Variants in GORASP2 observed in about 807,000 individuals in gnomAD.
The protein encoded by GORASP2 is golgi reassembly stacking protein 2.
In GORASP2, 22 loss-of-function variants were observed where a neutral mutation model predicts 45.7. That is an observed-to-expected ratio of 0.48 (90% confidence interval 0.34 to 0.69). The LOEUF is 0.69. Among genes scored for constraint, GORASP2 ranks in the 30% least tolerant of loss-of-function variants. The probability of loss-of-function intolerance (pLI) is 0.01; values close to 1 mark genes in which losing one functional copy is unlikely to be tolerated. For synonymous variants in GORASP2, 221 were observed against 215.6 expected, an observed-to-expected ratio of 1.02 and a Z score of -0.22; for missense variants, 491 against 562.7, an observed-to-expected ratio of 0.87 and a Z score of 1.29.
chr2:170,940,860 T>C (rs909359219), intron 1 of GORASP2, among the ~76,000 whole-genome samples: 4 of 152,208 alleles, frequency 2.6e-5, no homozygotes, highest in African/African-American at 9.6e-5. Flanking sequence ...TACTTGTCTT[T>C]TGTGACACAC....
intron 1 of GORASP2, among the ~76,000 whole-genome samples, chr2:170,935,928 C>T (rs1286436356): frequency 6.6e-6 from 1 of 152,170 alleles, no homozygotes; most frequent in Non-Finnish European, 1.5e-5. Context: ...CCTGCGCTAT[C>T]ATCCTCAGGA....
At chr2:170,947,104 G>A (rs187590701) in intron 1 of GORASP2, among the ~76,000 whole-genome samples, 5 of 152,182 alleles carry the variant, frequency 3.3e-5, no homozygotes, top group Admixed American at 3.3e-4. Context: ...GAAACCCTTT[G>A]AGAATCTGAT....
At chr2:170,942,506 A>G (rs1180918749) in intron 1 of GORASP2, among the ~76,000 whole-genome samples, 1 of 152,038 alleles carries the variant, frequency 6.6e-6, no homozygotes, top group East Asian at 1.9e-4. Flanking sequence ...AGCTTCTTTC[A>G]CTTAGCATAA....
intron 7 of GORASP2, among the ~76,000 whole-genome samples, chr2:170,958,676 A>ATTTT (rs1575478904): frequency 1.3e-4 from 7 of 54,388 alleles, no homozygotes; most frequent in Non-Finnish European, 2.3e-4. Context: ...TTTTTTTTTA[A>ATTTT]AAAAAAAAAA....
chr2:170,956,944 T>TA (rs1275333354), intron 7 of GORASP2, among the ~76,000 whole-genome samples: 1 of 152,112 alleles, frequency 6.6e-6, no homozygotes, highest in Non-Finnish European at 1.5e-5. Context: ...AAAAAATTTT[T>TA]AAAAAAGAAT....
At chr2:170,943,247 A>G (rs1451740145) in intron 1 of GORASP2, among the ~76,000 whole-genome samples, 1 of 152,218 alleles carries the variant, frequency 6.6e-6, no homozygotes, top group African/African-American at 2.4e-5. Context: ...AACATTTGAA[A>G]AAATGGTTTG....
At chr2:170,941,960 C>A (rs1031983259) in intron 1 of GORASP2, among the ~76,000 whole-genome samples, 4 of 152,124 alleles carry the variant, frequency 2.6e-5, no homozygotes, top group Admixed American at 6.5e-5. Context: ...TGCATTCTAA[C>A]CAGCAGTAAT....
chr2:170,954,592 C>A (rs963889284), intron 5 of GORASP2, 58 bp from the exon 6 acceptor site: 9 of 1,419,894 alleles, frequency 6.3e-6, no homozygotes, highest in Middle Eastern at 1.8e-4. Flanking sequence ...AAAAAAAACA[C>A]CTCAAAGAAA....
At chr2:170,929,755 A>G (rs1179480576) in intron 1 of GORASP2, 2 of 513,876 alleles carry the variant, frequency 3.9e-6, no homozygotes, top group Admixed American at 2.3e-5. Flanking sequence ...CAAAGTTAGG[A>G]AGGGCGCGGA....
At chr2:170,935,340 C>T (rs997662498) in intron 1 of GORASP2, among the ~76,000 whole-genome samples, 4 of 151,888 alleles carry the variant, frequency 2.6e-5, no homozygotes, top group Non-Finnish European at 2.9e-5. Flanking sequence ...CTGCAACTTC[C>T]GCCACTCCAG....
chr2:170,961,777 C>A, intron 8 of GORASP2, 28 bp downstream of exon 8: 3 of 1,073,196 alleles, frequency 2.8e-6, no homozygotes, highest in Non-Finnish European at 4.4e-6. Flanking sequence ...AGAGATGTGG[C>A]TGATAATAAC....
intron 1 of GORASP2, among the ~76,000 whole-genome samples, chr2:170,934,742 GT>G (rs1703906950): frequency 6.6e-6 from 1 of 151,706 alleles, no homozygotes; most frequent in South Asian, 2.1e-4. Context: ...TTTTTTGTTT[GT>G]TTGTTTGTTT....
In GORASP2 at chr2:170,965,993, T is replaced by C. The variant is rs1234430930; in HGVS notation, c.1222T>C (p.Ser408Pro). The change falls in exon 10 of 10, where the codon TCC becomes CCC. Residue 408 changes from serine (S) to proline (P), a missense_variant. By Grantham distance (74) the Ser-to-Pro change is moderately conservative. Around this residue, in one of 2 missense-constraint regions of GORASP2, gnomAD observed 297 missense variants for 292.3 expected, o/e 1.02. Coordinates refer to ENST00000234160, the MANE Select transcript of GORASP2 (RefSeq NM_015530.5). The stretch of plus-strand genomic sequence containing the variant: ...AACTACTGCAAAGGCAGACGCTGCC[T>C]CCTCACTCACTGTGGATGTGACGCC... ...ATTTAKADAA[S>P]SLTVDVTPPT... The C allele has an allele frequency of 6.2e-7, 1 of 1,613,736 alleles. No individual in the cohort carries two copies. Among genetic ancestry groups the C allele is most frequent in the Non-Finnish European group, 8.5e-7 (1 of 1,179,788 alleles).
rs368177633 is a variant in GORASP2, at chr2:170,951,502, C to A, written c.566+44C>A. The A allele has an allele frequency of 3.5e-6, 5 of 1,430,928 alleles. No homozygotes were observed. In the Admixed American group the frequency reaches 6.4e-5, roughly 18 times the overall value. The allele number at this position is 1,430,928 out of a possible 1,614,324, so 88.6% of individuals were successfully genotyped here. ...CTAAGTTATGACTGCTTAAACATAC[C>A]AGTCAGATATGTTGCAGACATTGAT... On this transcript the variant is annotated intron_variant, in intron 5 of 9. Transcript: ENST00000234160.
chr2:170,946,010 T>TTTTTG (rs935333958), intron 1 of GORASP2, among the ~76,000 whole-genome samples: 8 of 152,162 alleles, frequency 5.3e-5, no homozygotes, highest in Non-Finnish European at 1.2e-4. Flanking sequence ...AATAGATTTT[T>TTTTTG]TTTTGTTTTG....
At chr2:170,937,142 AG>A (rs1283708114) in intron 1 of GORASP2, among the ~76,000 whole-genome samples, 2 of 151,724 alleles carry the variant, frequency 1.3e-5, no homozygotes, top group African/African-American at 2.4e-5. Flanking sequence ...CTGGAGGTGG[AG>A]GTTGCAGTGA....
At position 170,954,592 on chromosome 2, in the gene GORASP2, C is replaced by G. The variant is rs963889284; in HGVS notation, c.567-58C>G. The stretch of plus-strand genomic sequence containing the variant: ...TTACCCGCCCCCCCCAAAAAAAACA[C>G]CTCAAAGAAATACAAGCTGTGATAG... On this transcript the variant is annotated intron_variant, in intron 5 of 9. Transcript: ENST00000234160. 3.5e-6 allele frequency: 5 copies of G among 1,419,988 alleles called. No homozygotes were observed. In the East Asian group the frequency reaches 1.2e-4, roughly 34 times the overall value. 88.0% of individuals were successfully genotyped at this position (1,419,988 alleles called of 1,614,324 possible).
chr2:170,963,464 TCCTCCTCCC>T (rs1559316819), intron 9 of GORASP2, among the ~76,000 whole-genome samples: 1 of 120,104 alleles, frequency 8.3e-6, no homozygotes, highest in Non-Finnish European at 1.7e-5. Context: ...CTCCTCCTCC[TCCTCCTCCC>T]CCTCCTCCTC....
At chr2:170,942,253 C>T (rs534128305) in intron 1 of GORASP2, among the ~76,000 whole-genome samples, 47 of 152,282 alleles carry the variant, frequency 3.1e-4, no homozygotes, top group African/African-American at 1.1e-3. Flanking sequence ...AAAGTTCAGA[C>T]TTCTAAAGTA....
Sources: allele counts gnomAD v4.1 joint callset (sites outside exome capture counted in the v4.1 genomes callset), GRCh38; gene constraint gnomAD v4.1.1; regional missense constraint gnomAD v4.1.1; transcripts MANE v1.5; gene names NCBI Gene and HGNC (gene_info 2026-07-23, HGNC 2026-07-21).